CC2D2B: variants seen among roughly 807,000 people sequenced by gnomAD.
CC2D2B encodes protein CC2D2B.
A neutral mutation model predicts 161.2 loss-of-function variants in CC2D2B; 128 were observed. The observed-to-expected ratio is 0.79, with a 90% CI of 0.69 to 0.92. CC2D2B has a LOEUF of 0.92. Ranked by LOEUF, CC2D2B falls within the 40% of genes least tolerant of loss-of-function variation. The probability of loss-of-function intolerance (pLI) is 0.00; values close to 1 mark genes in which losing one functional copy is unlikely to be tolerated. For missense variants in CC2D2B, 1,173 were observed against 1,375.1 expected (o/e 0.85, Z 2.32); for synonymous variants, 391 against 449.8 (o/e 0.87, Z 1.65).
chr10:95,924,857 T>C lies in CC2D2B; in HGVS notation c.240+13T>C. 3.3e-6 allele frequency: 5 copies of C among 1,525,986 alleles called. No individual in the cohort carries two copies. Among genetic ancestry groups the C allele is most frequent in the Non-Finnish European group, 4.4e-6 (5 of 1,124,968 alleles). The allele number at this position is 1,525,986 out of a possible 1,614,324, so 94.5% of individuals were successfully genotyped here. On this transcript the variant is annotated intron_variant, in intron 5 of 34. Transcript: ENST00000646931. Reference sequence around the variant, plus strand: ...TCAAAGGTCCAAGGTGAATAACTTTTCTCTTTTTTTACTTTTTAAAACAGC... The same window carrying C: ...TCAAAGGTCCAAGGTGAATAACTTTCCTCTTTTTTTACTTTTTAAAACAGC...
At position 95,996,213 on chromosome 10, in the gene CC2D2B, C is replaced by T. The variant is rs1181988350; in HGVS notation, c.2810C>T (p.Ser937Phe). The change falls in exon 24 of 35, where the codon TCT becomes TTT. Residue 937 changes from serine to phenylalanine, a missense_variant. Physicochemically the swap from Ser to Phe is radical, Grantham distance 155. Coordinates refer to ENST00000646931, the MANE Select transcript of CC2D2B (RefSeq NM_001349008.3). ...TACAAAACCAATACAGCAAGTGGAT[C>T]TCATCCATGCTGGAATGAAGAAATT... ...TVYKTNTASGSHPCWNEEIKV... is the reference protein window; with the variant it reads ...TVYKTNTASGFHPCWNEEIKV... 10 of 1,512,746 alleles carry T rather than the reference C, an allele frequency of 6.6e-6. No individual in the cohort carries two copies. Among genetic ancestry groups the T allele is most frequent in the Non-Finnish European group, 8.8e-6 (10 of 1,131,220 alleles). The allele number at this position is 1,512,746 out of a possible 1,614,324, so 93.7% of individuals were successfully genotyped here.
At chr10:95,922,150 C>A in intron 3 of CC2D2B, 74 bp downstream of exon 3, 2 of 803,462 alleles carry the variant, frequency 2.5e-6, no homozygotes, top group Non-Finnish European at 3.9e-6. Context: ...TAATCCTGTG[C>A]CAGGGTTTCA....
intron 9 of CC2D2B, among the ~76,000 whole-genome samples, chr10:95,941,669 T>A (rs957331588): frequency 2.0e-5 from 3 of 149,920 alleles, no homozygotes; most frequent in Admixed American, 6.7e-5. Flanking sequence ...GGTCATTATT[T>A]AAAAAAAAAA....
At position 95,938,840 on chromosome 10, in the gene CC2D2B, C is replaced by A; in HGVS notation, c.716C>A (p.Pro239His). 2.8e-6 allele frequency: 2 copies of A among 715,054 alleles called. No individual in the cohort carries two copies. Among genetic ancestry groups the A allele is most frequent in the Non-Finnish European group, 5.2e-6 (2 of 384,196 alleles). 44.3% of individuals were successfully genotyped at this position (715,054 alleles called of 1,614,324 possible). The change falls in exon 9 of 35, where the codon CCT becomes CAT. Residue 239 changes from proline to histidine, a missense_variant. Physicochemically the swap from Pro to His is moderately conservative, Grantham distance 77. This residue lies in a region of CC2D2B where 298 missense variants were observed against 261.2 expected (regional missense o/e 1.14). Coordinates refer to ENST00000646931, the MANE Select transcript of CC2D2B (RefSeq NM_001349008.3). ...GAAAGTGGAGAAATAATGTCATTAC[C>A]TACACCTATTAAACAGTCATGGAAT... ...FGESGEIMSL[P>H]TPIKQSWNFR...
At chr10:95,931,477 G>C (rs1044107449) in intron 6 of CC2D2B, among the ~76,000 whole-genome samples, 1 of 152,090 alleles carries the variant, frequency 6.6e-6, no homozygotes. Context: ...TGATGTTAGG[G>C]TGTTGATTTT....
intron 34 of CC2D2B, among the ~76,000 whole-genome samples, chr10:96,030,172 G>A (rs996029181): frequency 3.3e-5 from 5 of 151,844 alleles, no homozygotes; most frequent in Non-Finnish European, 5.9e-5. Flanking sequence ...CCTCAAATGC[G>A]AAACCCATGG....
rs1590643974 is a variant in CC2D2B, at chr10:95,966,420, A to G, written c.1466+118A>G. The G allele has an allele frequency of 8.4e-5, 31 of 370,320 alleles. No homozygotes were observed. The East Asian group carries it at 1.2e-3, about 14-fold the overall frequency. The allele number at this position is 370,320 out of a possible 1,614,324, so 22.9% of individuals were successfully genotyped here. A position where few individuals can be genotyped will look rare whatever the true frequency, so the allele number is the denominator to read the frequency against. On this transcript the variant is annotated intron_variant, in intron 14 of 34. Coordinates refer to ENST00000646931, the MANE Select transcript of CC2D2B (RefSeq NM_001349008.3). ...ATATGCCAGGCACTCTAAGTTTTTA[A>G]AAACACATTTTCATATTTAATTGTC... is the stretch of plus-strand genomic sequence containing the variant.
chr10:96,007,052 G>C (rs1053924779), intron 25 of CC2D2B, among the ~76,000 whole-genome samples: 7 of 152,042 alleles, frequency 4.6e-5, no homozygotes, highest in African/African-American at 1.7e-4. Context: ...AAGTTCAGGG[G>C]TACACATGCC....
At chr10:95,993,834 G>GTATATA (rs369610013) in intron 22 of CC2D2B, among the ~76,000 whole-genome samples, 18 of 109,972 alleles carry the variant, frequency 1.6e-4, no homozygotes, top group Admixed American at 9.1e-4. Context: ...TATAAAGAGT[G>GTATATA]TATATATATA....
At chr10:95,998,700 C>T (rs971976858) in intron 24 of CC2D2B, among the ~76,000 whole-genome samples, 8 of 152,160 alleles carry the variant, frequency 5.3e-5, no homozygotes, top group African/African-American at 1.9e-4. Context: ...AGAATTCCCT[C>T]TTCCACAGGG....
chr10:95,973,449 G>T (rs1291246087), intron 16 of CC2D2B, among the ~76,000 whole-genome samples: 3 of 152,052 alleles, frequency 2.0e-5, no homozygotes, highest in African/African-American at 7.2e-5. Flanking sequence ...AAGCCTCCAG[G>T]CATGAAAGGA....
At chr10:96,025,190 AAAAT>A (rs1209755080) in intron 33 of CC2D2B, among the ~76,000 whole-genome samples, 5,433 of 52,758 alleles carry the variant, frequency 0.1, 359 homozygotes, top group Non-Finnish European at 0.13. Context: ...TATATAAAAA[AAAAT>A]ATATATATAT....
chr10:95,961,653 A>G (rs1482545003), intron 11 of CC2D2B, 176 bp from the exon 12 acceptor site: 1 of 386,928 alleles, frequency 2.6e-6, no homozygotes, highest in Non-Finnish European at 4.5e-6. Context: ...TTTCTAATGG[A>G]ATTGCAGTGG....
chr10:95,940,076 C>T (rs1249727622), intron 9 of CC2D2B, among the ~76,000 whole-genome samples: 2 of 152,058 alleles, frequency 1.3e-5, no homozygotes, highest in Non-Finnish European at 2.9e-5. Flanking sequence ...TCTGGGAGGC[C>T]TCAGGAAACT....
intron 12 of CC2D2B, among the ~76,000 whole-genome samples, chr10:95,963,142 C>G (rs1034769055): frequency 1.3e-5 from 2 of 152,190 alleles, no homozygotes; most frequent in Non-Finnish European, 2.9e-5. Context: ...CTGTCAGTCA[C>G]CAGGCTGGCC....
At chr10:96,021,553 C>T (rs564804013) in intron 32 of CC2D2B, 2 of 152,114 alleles carry the variant, frequency 1.3e-5, no homozygotes, top group African/African-American at 4.8e-5. Flanking sequence ...AATCACTGGC[C>T]AAGAGTCATG....
chr10:96,006,652 A>C (rs2078761674), intron 25 of CC2D2B, among the ~76,000 whole-genome samples: 1 of 152,130 alleles, frequency 6.6e-6, no homozygotes. Flanking sequence ...TGTTGCTCAC[A>C]AAGAAATTAT....
intron 11 of CC2D2B, among the ~76,000 whole-genome samples, chr10:95,956,757 A>G (rs375275676): frequency 5.3e-5 from 8 of 152,208 alleles, no homozygotes; most frequent in African/African-American, 1.7e-4. Flanking sequence ...GTATTTGCAT[A>G]TAACTTATGC....
intron 2 of CC2D2B, among the ~76,000 whole-genome samples, chr10:95,912,517 T>G (rs2098508174): frequency 6.6e-6 from 1 of 151,992 alleles, no homozygotes. Flanking sequence ...TATGAAGAGG[T>G]ATGACCATTG....
Sources: gnomAD v4.1 joint callset for allele counts (sites outside exome capture counted in the v4.1 genomes callset) on GRCh38, gnomAD v4.1.1 for gene constraint, gnomAD v4.1.1 regional missense constraint, MANE v1.5 for transcripts, NCBI Gene and HGNC (gene_info 2026-07-23, HGNC 2026-07-21) for gene names.